Variants in IQCM observed in about 807,000 individuals in gnomAD.
IQCM encodes the protein IQ motif containing M, also known as IQ domain-containing protein M.
Under a neutral mutation model 57.6 loss-of-function variants are expected in IQCM, and 45 were observed. That is an observed-to-expected ratio of 0.78 (90% CI 0.62 to 1.00). IQCM has a LOEUF of 1.00. Ranked by LOEUF, IQCM falls within the 50% of genes least tolerant of loss-of-function variation. The pLI is 0.00. For missense variants in IQCM, 468 were observed against 511.6 expected (o/e 0.91, Z 0.82); for synonymous variants, 148 against 158.9 (o/e 0.93, Z 0.51).
intron 13 of IQCM, among the ~76,000 whole-genome samples, chr4:149,384,909 T>C (rs1416773009): frequency 6.6e-6 from 1 of 152,140 alleles, no homozygotes; most frequent in African/African-American, 2.4e-5. Flanking sequence ...TCTATTTCTG[T>C]GGTGTGTTTG....
In IQCM at chr4:149,351,766, A is replaced by C; in HGVS notation, c.*185T>G. On this transcript the variant is annotated 3_prime_UTR_variant, in exon 14 of 14. Transcript: ENST00000636793. ...ATAAAAGAGATGTTTTTTATGAAGG[A>C]GATCAAATGAATGGTGTTCATCCAA... The C allele has an allele frequency of 2.6e-6, 1 of 381,398 alleles. No homozygotes were observed. The highest frequency in any genetic ancestry group is 4.6e-6 in the Non-Finnish European group (1 of 216,232). The allele number at this position is 381,398 out of a possible 1,614,324, so 23.6% of individuals were successfully genotyped here. A position where few individuals can be genotyped will look rare whatever the true frequency, so the allele number is the denominator to read the frequency against.
chr4:149,683,750 C>T (rs1179487347), intron 6 of IQCM, among the ~76,000 whole-genome samples: 1 of 151,146 alleles, frequency 6.6e-6, no homozygotes, highest in East Asian at 1.9e-4. Flanking sequence ...TCAATTGTTC[C>T]TGACTAATGA....
intron 13 of IQCM, among the ~76,000 whole-genome samples, chr4:149,376,731 TA>T (rs1171957862): frequency 1.3e-5 from 2 of 152,150 alleles, no homozygotes; most frequent in Admixed American, 1.3e-4. Flanking sequence ...TTTTCTGCAA[TA>T]AAAAAATTAA....
intron 7 of IQCM, among the ~76,000 whole-genome samples, chr4:149,671,218 T>G (rs1215548664): frequency 1.3e-5 from 2 of 152,132 alleles, no homozygotes; most frequent in Non-Finnish European, 2.9e-5. Flanking sequence ...TGGGAGGGTG[T>G]GTGTGTCCAG....
chr4:149,573,122 T>G (rs1195038062), intron 9 of IQCM, among the ~76,000 whole-genome samples: 1 of 151,762 alleles, frequency 6.6e-6, no homozygotes, highest in East Asian at 1.9e-4. Context: ...AAGGTGTTGT[T>G]TTAGAAGATT....
intron 13 of IQCM, among the ~76,000 whole-genome samples, chr4:149,414,577 A>AT (rs1437812175): frequency 2.6e-5 from 4 of 152,180 alleles, no homozygotes; most frequent in Admixed American, 1.3e-4. Context: ...AGTCCTTACG[A>AT]TAAAAATTTA....
chr4:149,658,287 C>A (rs894671283), intron 7 of IQCM, among the ~76,000 whole-genome samples: 2 of 151,474 alleles, frequency 1.3e-5, no homozygotes, highest in Admixed American at 6.6e-5. Context: ...CTTGGTGGCA[C>A]TTTTGTTGAA....
chr4:149,696,286 T>C (rs1046880314), intron 5 of IQCM, among the ~76,000 whole-genome samples: 9 of 152,158 alleles, frequency 5.9e-5, no homozygotes, highest in African/African-American at 2.2e-4. Context: ...ATGATAATGA[T>C]TTTCTTTTAT....
chr4:149,433,690 T>C (rs74614652), intron 12 of IQCM, 133 bp from the exon 13 acceptor site: 1 of 389,414 alleles, frequency 2.6e-6, no homozygotes, highest in Non-Finnish European at 4.4e-6. Context: ...TCTTTTTTTT[T>C]AGTCAAAGTT....
chr4:149,723,918 CTT>C, intron 5 of IQCM, among the ~76,000 whole-genome samples: 1 of 147,652 alleles, frequency 6.8e-6, no homozygotes, highest in Middle Eastern at 3.6e-3. Context: ...TGGGCCTGTG[CTT>C]TTTTTTTTCC....
At chr4:149,729,649 A>AT (rs1476061998) in intron 5 of IQCM, among the ~76,000 whole-genome samples, 3 of 151,932 alleles carry the variant, frequency 2.0e-5, no homozygotes, top group Non-Finnish European at 4.4e-5. Flanking sequence ...TAATTTTTAT[A>AT]TTTTTAGCAG....
intron 2 of IQCM, among the ~76,000 whole-genome samples, chr4:149,768,934 T>C (rs938702773): frequency 6.6e-6 from 1 of 152,100 alleles, no homozygotes; most frequent in Non-Finnish European, 1.5e-5. Flanking sequence ...ATTAAAAATA[T>C]ACTTATGGAC....
At chr4:149,399,645 G>A (rs944483508) in intron 13 of IQCM, among the ~76,000 whole-genome samples, 3 of 152,000 alleles carry the variant, frequency 2.0e-5, no homozygotes, top group African/African-American at 4.8e-5. Context: ...TTCTAGTAAC[G>A]ATTAAGAGCA....
intron 12 of IQCM, among the ~76,000 whole-genome samples, chr4:149,525,172 C>T (rs911816138): frequency 2.0e-5 from 3 of 151,764 alleles, no homozygotes; most frequent in Admixed American, 1.3e-4. Flanking sequence ...ATAATCTCAA[C>T]TGCAAAATTT....
chr4:149,546,065 G>A (rs191829220), intron 12 of IQCM, among the ~76,000 whole-genome samples: 80 of 152,182 alleles, frequency 5.3e-4, no homozygotes, highest in African/African-American at 1.7e-3. Flanking sequence ...GAGAACATGC[G>A]GTGTTTGGTT....
chr4:149,572,902 C>T lies in IQCM; in HGVS notation c.750-9012G>A, dbSNP rs926113157. Among the ~76,000 whole-genome samples, 5 of 151,834 alleles carry T rather than the reference C, an allele frequency of 3.3e-5. No individual in the cohort carries two copies. The East Asian group carries it at 9.7e-4, about 29-fold the overall frequency. On this transcript the variant is annotated intron_variant, in intron 9 of 13. Coordinates refer to ENST00000636793, the MANE Select transcript of IQCM (RefSeq NM_001363507.2). ...GCATTTCCAACATTATTCTCAATTG[C>T]GTAATCTACTTGGAAAACAGATTGA...
At chr4:149,545,579 C>T (rs1748310535) in intron 12 of IQCM, among the ~76,000 whole-genome samples, 1 of 152,056 alleles carries the variant, frequency 6.6e-6, no homozygotes, top group East Asian at 1.9e-4. Flanking sequence ...AATCTTTGTA[C>T]ATTGTTGGTA....
intron 12 of IQCM, among the ~76,000 whole-genome samples, chr4:149,508,370 A>C (rs1177372431): frequency 2.6e-5 from 4 of 152,172 alleles, no homozygotes; most frequent in Non-Finnish European, 5.9e-5. Context: ...GAAAGCAGCC[A>C]GGAAGGGGGC....
At chr4:149,634,581 A>T (rs529108293) in intron 7 of IQCM, among the ~76,000 whole-genome samples, 10 of 152,278 alleles carry the variant, frequency 6.6e-5, no homozygotes, top group African/African-American at 2.4e-4. Flanking sequence ...CTTAGTCAAC[A>T]CTTCTTTGCC....
Sources: gnomAD v4.1 joint callset for allele counts (sites outside exome capture counted in the v4.1 genomes callset) on GRCh38, gnomAD v4.1.1 for gene constraint, MANE v1.5 for transcripts, NCBI Gene and HGNC (gene_info 2026-07-23, HGNC 2026-07-21) for gene names.